Variants in BCAS3 observed in about 807,000 individuals in gnomAD.
BCAS3 encodes BCAS3 microtubule associated cell migration factor.
Under a neutral mutation model 116.1 loss-of-function variants are expected in BCAS3, and 53 were observed. That is an observed-to-expected ratio of 0.46 (90% CI 0.37 to 0.57). BCAS3 has a LOEUF of 0.57. Among genes scored for constraint, BCAS3 ranks in the 20% least tolerant of loss-of-function variants. The probability of loss-of-function intolerance (pLI) is 0.00; values close to 1 mark genes in which losing one functional copy is unlikely to be tolerated. For synonymous variants in BCAS3, 391 were observed against 408.2 expected, an observed-to-expected ratio of 0.96 and a Z score of 0.51; for missense variants, 917 against 1,165.4, an observed-to-expected ratio of 0.79 and a Z score of 3.10.
chr17:60,812,743 CATTT>C (rs1431956535), intron 7 of BCAS3, among the ~76,000 whole-genome samples: 4 of 151,844 alleles, frequency 2.6e-5, no homozygotes, highest in African/African-American at 9.7e-5. Context: ...TTTGTGTGTT[CATTT>C]ATTTATTTTA....
In BCAS3 at chr17:61,151,947, G is replaced by A. The variant is rs555100899; in HGVS notation, c.2425+67383G>A. Among the ~76,000 whole-genome samples, 18 of 152,250 alleles carry A rather than the reference G, an allele frequency of 1.2e-4. No individual in the cohort carries two copies. Among genetic ancestry groups the A allele is most frequent in the Admixed American group, 7.8e-4 (12 of 15,296 alleles). ...CAGCTCCACATAGTGACACAGTACC[G>A]GAAGGGCAAGGATTCTCTGTGTGCC... On this transcript the variant is annotated intron_variant, in intron 22 of 23. Transcript: ENST00000407086. The surrounding 1 kb of genome is among the most constrained non-coding windows in gnomAD (Gnocchi z 4.8).
chr17:61,235,166 C>T lies in BCAS3; in HGVS notation c.2426-133161C>T, dbSNP rs758125237. ...TCTTCCAAAGTGCTGGGATTATAGG[C>T]GTGAACCACCACGCCTGGCTGTCTG... On this transcript the variant is annotated intron_variant, in intron 22 of 23. Transcript: ENST00000407086. This position sits in a 1 kb window ranked among gnomAD's most constrained non-coding sequence, Gnocchi z 5.0. 1.4e-4 allele frequency among the ~76,000 whole-genome samples: 22 copies of T among 152,266 alleles called. No homozygotes were observed. The highest frequency in any genetic ancestry group is 3.9e-4 in the East Asian group (2 of 5,156).
Position 61,233,457 on chromosome 17 carries a change from G to A in BCAS3, c.2426-134870G>A, listed in dbSNP as rs570458208. ...AAAATGATTGTTAATTTGAGTTATT[G>A]TGCTAAATATTTCTAAGAAATGCTT... is the stretch of plus-strand genomic sequence containing the variant. On this transcript the variant is annotated intron_variant, in intron 22 of 23. Transcript: ENST00000407086. The surrounding 1 kb of genome is among the most constrained non-coding windows in gnomAD (Gnocchi z 4.3). 2.0e-5 allele frequency among the ~76,000 whole-genome samples: 3 copies of A among 152,308 alleles called. No homozygotes were observed. Among genetic ancestry groups the A allele is most frequent in the African/African-American group, 7.2e-5 (3 of 41,570 alleles).
At chr17:60,754,565 A>AACTCAT (rs201032037) in intron 6 of BCAS3, among the ~76,000 whole-genome samples, 13,000 of 151,998 alleles carry the variant, frequency 0.086, 1,824 homozygotes, top group African/African-American at 0.29. Context: ...TAGAGCTTAT[A>AACTCAT]ACTCATAAGA....
intron 22 of BCAS3, among the ~76,000 whole-genome samples, chr17:61,187,224 A>C (rs1164353996): frequency 2.0e-5 from 3 of 152,224 alleles, no homozygotes; most frequent in African/African-American, 7.2e-5. Flanking sequence ...CTTCACTAAG[A>C]GATTTTAAGA....
At chr17:60,926,230 C>G (rs1019578031) in intron 13 of BCAS3, among the ~76,000 whole-genome samples, 2 of 152,132 alleles carry the variant, frequency 1.3e-5, no homozygotes, top group African/African-American at 4.8e-5. Flanking sequence ...CTTTTGTTTT[C>G]AGAGCTGGTA....
intron 5 of BCAS3, among the ~76,000 whole-genome samples, chr17:60,732,588 C>T (rs1477626093): frequency 6.6e-6 from 1 of 152,118 alleles, no homozygotes; most frequent in Non-Finnish European, 1.5e-5. Context: ...CACCTGTAAT[C>T]CCAGCACTTT....
intron 9 of BCAS3, among the ~76,000 whole-genome samples, chr17:60,880,975 G>GTTTTGT (rs772650804): frequency 8.1e-6 from 1 of 122,700 alleles, no homozygotes; most frequent in African/African-American, 4.5e-5. Context: ...GTTTTGTTTT[G>GTTTTGT]TTTGTTTGTT....
At chr17:60,770,563 C>T (rs8065794) in intron 6 of BCAS3, among the ~76,000 whole-genome samples, 41,202 of 150,168 alleles carry the variant, frequency 0.27, 11,298 homozygotes, top group African/African-American at 0.71. Flanking sequence ...GGATTACAGG[C>T]ATCTGCCACC....
chr17:60,699,811 C>T (rs2036135835), intron 4 of BCAS3, among the ~76,000 whole-genome samples: 1 of 147,718 alleles, frequency 6.8e-6, no homozygotes, highest in South Asian at 2.1e-4. Flanking sequence ...TGCAGTGAGC[C>T]GAGATCGAGC....
At chr17:60,874,145 C>T (rs368303709) in intron 8 of BCAS3, among the ~76,000 whole-genome samples, 114 of 150,756 alleles carry the variant, frequency 7.6e-4, no homozygotes, top group African/African-American at 2.1e-3. Context: ...TAGCTCCCTG[C>T]AGTCTTGACC....
intron 9 of BCAS3, among the ~76,000 whole-genome samples, chr17:60,880,625 T>C (rs2056037356): frequency 1.3e-5 from 2 of 152,178 alleles, no homozygotes; most frequent in East Asian, 1.9e-4. Context: ...TTGACAGATA[T>C]TTAGTTTGTT....
chr17:61,150,688 C>T (rs780142992), intron 22 of BCAS3, among the ~76,000 whole-genome samples: 3 of 152,192 alleles, frequency 2.0e-5, no homozygotes, highest in Non-Finnish European at 4.4e-5. Flanking sequence ...TATAACTTCT[C>T]ATAATTAGAT....
At chr17:61,111,015 A>C (rs2075052293) in intron 22 of BCAS3, among the ~76,000 whole-genome samples, 1 of 152,028 alleles carries the variant, frequency 6.6e-6, no homozygotes, top group South Asian at 2.1e-4. Flanking sequence ...ACAGACCTGC[A>C]GCTGAGGGTC....
At chr17:60,746,617 T>G (rs1345542830) in intron 5 of BCAS3, among the ~76,000 whole-genome samples, 2 of 152,168 alleles carry the variant, frequency 1.3e-5, no homozygotes, top group African/African-American at 2.4e-5. Context: ...CATAGAATAT[T>G]GAAATTAGAA....
At position 61,307,925 on chromosome 17, in the gene BCAS3, C is replaced by G. The variant is rs1161473335; in HGVS notation, c.2426-60402C>G. Among the ~76,000 whole-genome samples, 1 of 152,164 alleles carries G rather than the reference C, an allele frequency of 6.6e-6. No homozygotes were observed. Among genetic ancestry groups the G allele is most frequent in the Non-Finnish European group, 1.5e-5 (1 of 68,036 alleles). ...GTGAGCAACCCCAAACAGTATACAC[C>G]TTGACAATGTGGAGACTCAAGATTT... is the stretch of plus-strand genomic sequence containing the variant. On this transcript the variant is annotated intron_variant, in intron 22 of 23. Coordinates refer to ENST00000407086, the MANE Select transcript of BCAS3 (RefSeq NM_017679.5). This position sits in a 1 kb window ranked among gnomAD's most constrained non-coding sequence, Gnocchi z 4.7.
At chr17:60,785,412 G>A (rs9891150) in intron 6 of BCAS3, among the ~76,000 whole-genome samples, 19,318 of 152,020 alleles carry the variant, frequency 0.13, 1,421 homozygotes, top group African/African-American at 0.21. Flanking sequence ...ACCTACCTTG[G>A]CCTCCCAAAG....
At chr17:61,042,657 G>T (rs1475527117) in intron 19 of BCAS3, among the ~76,000 whole-genome samples, 5 of 151,738 alleles carry the variant, frequency 3.3e-5, no homozygotes, top group African/African-American at 9.7e-5. Context: ...AGAGGCTGAA[G>T]CGGGAGGATC....
At chr17:60,945,510 A>G (rs1243359351) in intron 13 of BCAS3, among the ~76,000 whole-genome samples, 2 of 152,210 alleles carry the variant, frequency 1.3e-5, no homozygotes, top group Admixed American at 6.5e-5. Context: ...AACTTCAAAA[A>G]TAGGCCTTGG....
Sources: allele counts gnomAD v4.1 joint callset (sites outside exome capture counted in the v4.1 genomes callset), GRCh38; gene constraint gnomAD v4.1.1; non-coding constraint Gnocchi (gnomAD v3.1); transcripts MANE v1.5; gene names NCBI Gene and HGNC (gene_info 2026-07-23, HGNC 2026-07-21).